The following DCAF8L2 variants were observed in gnomAD, a reference collection of about 807,000 sequenced individuals.
The protein encoded by DCAF8L2 is DDB1 and CUL4 associated factor 8 like 2, also known as DDB1- and CUL4-associated factor 8-like protein 2.
For synonymous variants in DCAF8L2, 200 were observed against 190.9 expected, an observed-to-expected ratio of 1.05 and a Z score of -0.39; for missense variants, 430 against 490.7, an observed-to-expected ratio of 0.88 and a Z score of 1.17.
the DCAF8L2 span, among the ~76,000 whole-genome samples, chrX:27,487,888 A>G: frequency 6.3e-5 from 7 of 111,187 alleles, no homozygotes; most frequent in Admixed American, 6.7e-4. Flanking sequence ...ACTTATCTCA[A>G]TGTTTTTCTG....
At chrX:27,563,943 T>C in the DCAF8L2 span, among the ~76,000 whole-genome samples, 1 of 112,299 alleles carries the variant, frequency 8.9e-6, no homozygotes, top group East Asian at 2.8e-4. Flanking sequence ...CTAAAAAAGG[T>C]CCAGTGGCTG....
intron 3 of DCAF8L2, among the ~76,000 whole-genome samples, chrX:27,707,487 T>C (rs1476485132): frequency 9.0e-6 from 1 of 111,531 alleles, no homozygotes; most frequent in Non-Finnish European, 1.9e-5. Context: ...GTGGTGATTA[T>C]ATGGATATGG....
intron 4 of DCAF8L2, among the ~76,000 whole-genome samples, chrX:27,721,561 A>C (rs762039117): frequency 8.9e-6 from 1 of 111,836 alleles, no homozygotes; most frequent in East Asian, 2.8e-4. Context: ...CAAAGATTGA[A>C]AATGAATTGA....
intron 4 of DCAF8L2, among the ~76,000 whole-genome samples, chrX:27,743,512 C>G (rs987291073): frequency 9.2e-6 from 1 of 109,114 alleles, no homozygotes; most frequent in African/African-American, 3.3e-5. Context: ...ATTTTTGTGC[C>G]TCAGCCTCCC....
chrX:27,558,120 C>T, the DCAF8L2 span, among the ~76,000 whole-genome samples: 1 of 111,523 alleles, frequency 9.0e-6, no homozygotes, highest in Non-Finnish European at 1.9e-5. Context: ...TCACTCTGCC[C>T]TTCCTGTAAA....
chrX:27,484,035 C>T, the DCAF8L2 span, among the ~76,000 whole-genome samples: 1 of 111,615 alleles, frequency 9.0e-6, no homozygotes, highest in Non-Finnish European at 1.9e-5. Flanking sequence ...ATATTGTTGG[C>T]ATCTAGGTGC....
chrX:27,718,245 A>G (rs1369544991), intron 4 of DCAF8L2, among the ~76,000 whole-genome samples: 2 of 111,872 alleles, frequency 1.8e-5, no homozygotes, highest in Non-Finnish European at 3.8e-5. Context: ...TGCCTTTTCT[A>G]GAATTTCATA....
chrX:27,680,200 C>A (rs747247009), intron 3 of DCAF8L2, among the ~76,000 whole-genome samples: 19 of 111,195 alleles, frequency 1.7e-4, no homozygotes, highest in Non-Finnish European at 3.2e-4. Flanking sequence ...TGTCAGGGTC[C>A]CTATGGACTG....
the DCAF8L2 span, among the ~76,000 whole-genome samples, chrX:27,575,393 C>T: frequency 9.0e-6 from 1 of 111,113 alleles, no homozygotes; most frequent in Non-Finnish European, 1.9e-5. Flanking sequence ...GAAAATGCAA[C>T]ATTTGGGCTC....
the DCAF8L2 span, chrX:27,519,397 G>A: frequency 1.8e-6 from 2 of 1,136,154 alleles, no homozygotes; most frequent in Non-Finnish European, 2.4e-6. Context: ...GAAGAATCAG[G>A]AGCAGCTAGC....
chrX:27,532,596 G>A, the DCAF8L2 span, among the ~76,000 whole-genome samples: 1 of 110,728 alleles, frequency 9.0e-6, no homozygotes, highest in African/African-American at 3.3e-5. Flanking sequence ...ATTATAAACA[G>A]ATACCAAAAT....
the DCAF8L2 span, among the ~76,000 whole-genome samples, chrX:27,583,175 G>T: frequency 9.0e-6 from 1 of 111,400 alleles, no homozygotes; most frequent in South Asian, 3.8e-4. Context: ...TCTCCTGTAG[G>T]TTAAAATCCA....
At chrX:27,473,045 C>T in the DCAF8L2 span, among the ~76,000 whole-genome samples, 1 of 111,828 alleles carries the variant, frequency 8.9e-6, no homozygotes, top group Non-Finnish European at 1.9e-5. Context: ...TCTTTGTAGA[C>T]ATAGTTTTCA....
the DCAF8L2 span, among the ~76,000 whole-genome samples, chrX:27,487,375 G>A: frequency 8.9e-6 from 1 of 111,736 alleles, no homozygotes; most frequent in Non-Finnish European, 1.9e-5. Context: ...TCTGCCTCCC[G>A]GGTTCAAGCG....
intron 3 of DCAF8L2, among the ~76,000 whole-genome samples, chrX:27,703,959 C>T (rs1351165437): frequency 1.9e-5 from 2 of 107,607 alleles, no homozygotes; most frequent in African/African-American, 3.5e-5. Context: ...AGAAAATTCG[C>T]ACAATGAGAA....
the DCAF8L2 span, among the ~76,000 whole-genome samples, chrX:27,542,903 G>A: frequency 9.0e-6 from 1 of 110,891 alleles, no homozygotes; most frequent in Non-Finnish European, 1.9e-5. Flanking sequence ...TTGGATGCAC[G>A]GTTTGTAAAT....
chrX:27,740,923 A>G (rs980035073), intron 4 of DCAF8L2, among the ~76,000 whole-genome samples: 3 of 111,560 alleles, frequency 2.7e-5, no homozygotes, highest in African/African-American at 6.5e-5. Context: ...CCACTATACT[A>G]CATACTCCAT....
At chrX:27,570,078 C>T in the DCAF8L2 span, among the ~76,000 whole-genome samples, 2 of 111,477 alleles carry the variant, frequency 1.8e-5, no homozygotes, top group Non-Finnish European at 3.8e-5. Context: ...TGATAGCTCT[C>T]GTTTCTTTGG....
chrX:27,732,003 T>C (rs1921232034), intron 4 of DCAF8L2, among the ~76,000 whole-genome samples: 1 of 110,856 alleles, frequency 9.0e-6, no homozygotes, highest in Non-Finnish European at 1.9e-5. Context: ...GGTCCTGTGT[T>C]GTTGTTGTTG....
Sources: allele counts gnomAD v4.1 joint callset (sites outside exome capture counted in the v4.1 genomes callset), GRCh38; gene constraint gnomAD v4.1.1; transcripts MANE v1.5; gene names NCBI Gene and HGNC (gene_info 2026-07-23, HGNC 2026-07-21).